TTC29: variants seen among roughly 807,000 people sequenced by gnomAD.
TTC29 encodes the protein tetratricopeptide repeat protein 29.
In TTC29, 49 loss-of-function variants were observed where a neutral mutation model predicts 58.1. The observed-to-expected ratio is 0.84, with a 90% CI of 0.67 to 1.07. TTC29 has a LOEUF of 1.07. Ranked by LOEUF, TTC29 falls within the 50% of genes least tolerant of loss-of-function variation. TTC29 has a pLI of 0.00. For synonymous variants in TTC29, 209 were observed against 196.8 expected, an observed-to-expected ratio of 1.06 and a Z score of -0.52; for missense variants, 582 against 555.6, an observed-to-expected ratio of 1.05 and a Z score of -0.48.
chr4:146,916,253 TG>T (rs1734215066), intron 4 of TTC29, among the ~76,000 whole-genome samples: 3 of 151,810 alleles, frequency 2.0e-5, no homozygotes, highest in South Asian at 2.1e-4. Flanking sequence ...GAGTTGTTTA[TG>T]TTTTATAGTT....
intron 11 of TTC29, among the ~76,000 whole-genome samples, chr4:146,794,664 C>A (rs959010229): frequency 3.9e-5 from 6 of 152,010 alleles, no homozygotes; most frequent in African/African-American, 1.4e-4. Context: ...AAACTGTTTC[C>A]CTCCTTAGGA....
chr4:146,811,649 A>G lies in TTC29; in HGVS notation c.1102-7964T>C, dbSNP rs60041906. Among the ~76,000 whole-genome samples the G allele has an allele frequency of 4.6e-5, 7 of 152,350 alleles. No individual in the cohort carries two copies. In the East Asian group the frequency reaches 1.3e-3, roughly 29 times the overall value. On this transcript the variant is annotated intron_variant, in intron 10 of 12. Transcript: ENST00000325106. ...CTAATATTTTATGAAGGAAATGAAC[A>G]TAAAAACAACACAGGAACAGCTTTA...
Position 146,811,698 on chromosome 4 carries a change from A to T in TTC29, c.1102-8013T>A, listed in dbSNP as rs1226093835. On this transcript the variant is annotated intron_variant, in intron 10 of 12. Transcript: ENST00000325106. ...TATACCATTACAGCAAGTAGAGGTA[A>T]AACACATCTTCAACTCTGCATACCT... Among the ~76,000 whole-genome samples the T allele has an allele frequency of 3.9e-5, 6 of 152,242 alleles. No homozygotes were observed. The East Asian group carries it at 1.2e-3, about 29-fold the overall frequency.
At chr4:146,910,753 G>A (rs988730660) in intron 4 of TTC29, among the ~76,000 whole-genome samples, 2 of 152,118 alleles carry the variant, frequency 1.3e-5, no homozygotes, top group Non-Finnish European at 2.9e-5. Flanking sequence ...GAACTAGTTC[G>A]TAAAGAGAAT....
At position 146,764,626 on chromosome 4, in the gene TTC29, T is replaced by C. The variant is rs759613070; in HGVS notation, c.1330+38831A>G. On this transcript the variant is annotated intron_variant, in intron 11 of 12. Coordinates refer to ENST00000325106, the MANE Select transcript of TTC29 (RefSeq NM_031956.4). ...AGTTATGTAAGAATTTTTCCTATTT[T>C]AAAAAAATCATGTTCGAACATAGGT... 3.3e-5 allele frequency among the ~76,000 whole-genome samples: 5 copies of C among 152,074 alleles called. No homozygotes were observed. The East Asian group carries it at 9.6e-4, about 29-fold the overall frequency.
At chr4:146,835,711 T>A (rs79147994) in intron 8 of TTC29, among the ~76,000 whole-genome samples, 9,450 of 152,154 alleles carry the variant, frequency 0.062, 393 homozygotes, top group Admixed American at 0.13. Flanking sequence ...CCCCAGGACT[T>A]AAGCTGTGCT....
At chr4:146,843,402 T>C (rs2150172113) in intron 8 of TTC29, among the ~76,000 whole-genome samples, 1 of 152,288 alleles carries the variant, frequency 6.6e-6, no homozygotes, top group Non-Finnish European at 1.5e-5. Flanking sequence ...TAATTATTAA[T>C]ATTGATCATT....
intron 11 of TTC29, among the ~76,000 whole-genome samples, chr4:146,741,705 C>G (rs940813074): frequency 6.6e-6 from 1 of 152,144 alleles, no homozygotes; most frequent in Admixed American, 6.5e-5. Context: ...CATGTTCTAG[C>G]TGCCTGTACA....
intron 8 of TTC29, among the ~76,000 whole-genome samples, chr4:146,837,827 A>G (rs1030782059): frequency 2.0e-5 from 3 of 151,926 alleles, no homozygotes; most frequent in African/African-American, 7.2e-5. Flanking sequence ...ATGAATTGAA[A>G]ATATATATAA....
chr4:146,766,821 A>G (rs1311954459), intron 11 of TTC29, among the ~76,000 whole-genome samples: 3 of 152,142 alleles, frequency 2.0e-5, no homozygotes, highest in South Asian at 2.1e-4. Context: ...AGGGCTTGTA[A>G]CAGGGATTGT....
chr4:146,771,645 TTATC>T (rs1025968104), intron 11 of TTC29, among the ~76,000 whole-genome samples: 2 of 152,156 alleles, frequency 1.3e-5, no homozygotes, highest in Admixed American at 6.6e-5. Flanking sequence ...CACATTTTCT[TTATC>T]TAGTCTACCA....
intron 8 of TTC29, among the ~76,000 whole-genome samples, chr4:146,846,735 T>C (rs914019054): frequency 1.3e-5 from 2 of 152,208 alleles, no homozygotes; most frequent in African/African-American, 2.4e-5. Flanking sequence ...CTGATTACCA[T>C]GAGGAAATCT....
At chr4:146,830,440 G>C (rs1225715412) in intron 9 of TTC29, among the ~76,000 whole-genome samples, 1 of 152,124 alleles carries the variant, frequency 6.6e-6, no homozygotes, top group Non-Finnish European at 1.5e-5. Context: ...TCCAGCCTTA[G>C]ATCTTATTCA....
In TTC29 at chr4:146,738,685, C is replaced by T. The variant is rs191076334; in HGVS notation, c.1331-31134G>A. Among the ~76,000 whole-genome samples the T allele has an allele frequency of 2.6e-4, 39 of 152,258 alleles. 2 individuals are homozygous for T. The highest frequency in any genetic ancestry group is 2.0e-3 in the Admixed American group (31 of 15,294). On this transcript the variant is annotated intron_variant, in intron 11 of 12. Transcript: ENST00000325106. ...GTAGGCTTCAGGAAACAGAATCTCT[C>T]TTCTGCCCTCCTTTCACCTGCCCCG...
At chr4:146,747,385 G>A (rs950522649) in intron 11 of TTC29, among the ~76,000 whole-genome samples, 1 of 152,170 alleles carries the variant, frequency 6.6e-6, no homozygotes. Context: ...CAGGAACCTG[G>A]TAGCATGCCA....
intron 4 of TTC29, among the ~76,000 whole-genome samples, chr4:146,927,690 G>A (rs1439700944): frequency 6.6e-6 from 1 of 152,162 alleles, no homozygotes; most frequent in African/African-American, 2.4e-5. Context: ...CATCAAGATA[G>A]TTCAAACAGG....
At chr4:146,731,872 T>C (rs1417970338) in intron 11 of TTC29, among the ~76,000 whole-genome samples, 2 of 152,170 alleles carry the variant, frequency 1.3e-5, no homozygotes, top group Non-Finnish European at 2.9e-5. Flanking sequence ...CAGAGAGAAA[T>C]AGCCATGGTC....
chr4:146,801,978 CAAAAAA>C (rs57486017), intron 11 of TTC29, among the ~76,000 whole-genome samples: 162 of 38,784 alleles, frequency 4.2e-3, no homozygotes, highest in South Asian at 0.016. Flanking sequence ...GACTCTGTCT[CAAAAAA>C]AAAAAAAAAA....
At chr4:146,773,518 T>C (rs893723048) in intron 11 of TTC29, among the ~76,000 whole-genome samples, 1 of 152,204 alleles carries the variant, frequency 6.6e-6, no homozygotes, top group Non-Finnish European at 1.5e-5. Context: ...ATGAATCACA[T>C]ATATTCATCT....
Sources: allele counts gnomAD v4.1 joint callset (sites outside exome capture counted in the v4.1 genomes callset), GRCh38; gene constraint gnomAD v4.1.1; transcripts MANE v1.5; gene names NCBI Gene and HGNC (gene_info 2026-07-23, HGNC 2026-07-21).